Variants in XYLT1 observed in about 807,000 individuals in gnomAD.
XYLT1 encodes beta-D-xylosyltransferase 1.
In XYLT1, 36 loss-of-function variants were observed where a neutral mutation model predicts 91.3. The observed-to-expected ratio is 0.39, with a 90% CI of 0.30 to 0.52. XYLT1 has a LOEUF of 0.52. Among genes scored for constraint, XYLT1 ranks in the 20% least tolerant of loss-of-function variants. XYLT1 has a pLI of 0.68. For missense variants in XYLT1, 1,242 were observed against 1,284.5 expected (o/e 0.97, Z 0.51); for synonymous variants, 588 against 532.0 (o/e 1.11, Z -1.45).
At chr16:17,338,608 C>A in intron 2 of XYLT1, 1 of 413,392 alleles carries the variant, frequency 2.4e-6, no homozygotes, top group South Asian at 1.8e-5. Flanking sequence ...CCTGGTCATT[C>A]GTGGCCTGCT....
intron 1 of XYLT1, among the ~76,000 whole-genome samples, chr16:17,404,021 T>G (rs2035998741): frequency 6.6e-6 from 1 of 152,120 alleles, no homozygotes; most frequent in African/African-American, 2.4e-5. Context: ...GAGAATTATT[T>G]AAACCCCTCC....
At chr16:17,159,528 C>T (rs1344955517) in intron 5 of XYLT1, among the ~76,000 whole-genome samples, 2 of 152,150 alleles carry the variant, frequency 1.3e-5, no homozygotes, top group Non-Finnish European at 2.9e-5. Flanking sequence ...TTGTTCAACA[C>T]TGGCATACAG....
intron 1 of XYLT1, among the ~76,000 whole-genome samples, chr16:17,453,824 T>C (rs2036699590): frequency 6.6e-6 from 1 of 152,202 alleles, no homozygotes; most frequent in African/African-American, 2.4e-5. Context: ...CAAACCTGTT[T>C]TGCTGAATAA....
chr16:17,445,833 GA>G (rs2036584651), intron 1 of XYLT1: 1 of 152,240 alleles, frequency 6.6e-6, no homozygotes, highest in African/African-American at 2.4e-5. Context: ...AGTGAGTGAA[GA>G]AAACGGTGTT....
intron 1 of XYLT1, among the ~76,000 whole-genome samples, chr16:17,436,212 C>A (rs777585244): frequency 6.6e-6 from 1 of 152,216 alleles, no homozygotes; most frequent in Non-Finnish European, 1.5e-5. Flanking sequence ...AATTAAATCT[C>A]TTTCCTTTAT....
At chr16:17,427,976 G>A (rs2036339968) in intron 1 of XYLT1, among the ~76,000 whole-genome samples, 1 of 151,886 alleles carries the variant, frequency 6.6e-6, no homozygotes, top group Non-Finnish European at 1.5e-5. Flanking sequence ...GAGAGGCGGG[G>A]GTTTGGAGGA....
chr16:17,122,591 A>C (rs1027888670), intron 10 of XYLT1, among the ~76,000 whole-genome samples: 32 of 152,190 alleles, frequency 2.1e-4, no homozygotes, highest in African/African-American at 7.2e-4. Context: ...TTTTAAAATT[A>C]AGTCCTATCT....
intron 1 of XYLT1, among the ~76,000 whole-genome samples, chr16:17,374,261 T>C (rs932412688): frequency 6.6e-6 from 1 of 152,232 alleles, no homozygotes; most frequent in Non-Finnish European, 1.5e-5. Context: ...GAGTAGCATA[T>C]GATAAAGTGG....
chr16:17,237,799 C>G (rs1417835610), intron 3 of XYLT1, among the ~76,000 whole-genome samples: 1 of 152,204 alleles, frequency 6.6e-6, no homozygotes, highest in African/African-American at 2.4e-5. Flanking sequence ...ACTGGGGGTT[C>G]AGTCCATTCC....
At chr16:17,450,332 C>T (rs867848014) in intron 1 of XYLT1, among the ~76,000 whole-genome samples, 2 of 150,976 alleles carry the variant, frequency 1.3e-5, no homozygotes, top group African/African-American at 2.4e-5. Context: ...AGCGAGACTC[C>T]GTCTCAAAAC....
chr16:17,158,491 A>G (rs2031469202), intron 6 of XYLT1, among the ~76,000 whole-genome samples: 1 of 152,198 alleles, frequency 6.6e-6, no homozygotes. Context: ...CGTTGCTTAC[A>G]TTATGGGCCT....
rs931895921 is a variant in XYLT1, at chr16:17,105,169, T to C, written c.*3526A>G. 1.3e-5 allele frequency: 2 copies of C among 151,670 alleles called. No individual in the cohort carries two copies. Among genetic ancestry groups the C allele is most frequent in the African/African-American group, 2.4e-5 (1 of 41,420 alleles). 9.4% of individuals were successfully genotyped at this position (151,670 alleles called of 1,614,324 possible). On this transcript the variant is annotated 3_prime_UTR_variant, in exon 12 of 12. Transcript: ENST00000261381. ...CCACTGCCAGTAGCTACTGCCCTGCTCTCTGCATCTTTTTGGCAGAAAGCT... is the reference window on the plus strand; with the variant it reads ...CCACTGCCAGTAGCTACTGCCCTGCCCTCTGCATCTTTTTGGCAGAAAGCT...
At chr16:17,219,495 T>C (rs912215696) in intron 3 of XYLT1, among the ~76,000 whole-genome samples, 1 of 152,080 alleles carries the variant, frequency 6.6e-6, no homozygotes, top group African/African-American at 2.4e-5. Flanking sequence ...GGTGCTTGTA[T>C]TAATCGAGTC....
At chr16:17,311,424 C>A (rs2034547012) in intron 2 of XYLT1, among the ~76,000 whole-genome samples, 1 of 152,168 alleles carries the variant, frequency 6.6e-6, no homozygotes, top group Non-Finnish European at 1.5e-5. Flanking sequence ...CCTGCCTTCA[C>A]CCCCAGTATG....
intron 6 of XYLT1, among the ~76,000 whole-genome samples, chr16:17,143,468 G>A (rs2031040998): frequency 6.6e-6 from 1 of 152,144 alleles, no homozygotes; most frequent in Admixed American, 6.5e-5. Context: ...CAGGCTGCTG[G>A]CCCTTACACA....
rs533566407 is a variant in XYLT1 at position 17,405,703 on chromosome 16, G to A, written c.364-47653C>T. Among the ~76,000 whole-genome samples the A allele has an allele frequency of 4.7e-4, 71 of 152,308 alleles. 2 individuals carry two copies. The South Asian group carries it at 0.014, about 29-fold the overall frequency. ...GGGGCAGGCAGGCTCTCTGTCACCT[G>A]CAGAGGCTGAGACAACCTCAAGGTA... is the stretch of plus-strand genomic sequence containing the variant. On this transcript the variant is annotated intron_variant, in intron 1 of 11. Coordinates refer to ENST00000261381, the MANE Select transcript of XYLT1 (RefSeq NM_022166.4).
At chr16:17,326,778 TC>T (rs1817566226) in intron 2 of XYLT1, among the ~76,000 whole-genome samples, 1 of 151,024 alleles carries the variant, frequency 6.6e-6, no homozygotes, top group South Asian at 2.1e-4. Context: ...TGAGCCGAGA[TC>T]GCGCCACTGC....
At chr16:17,241,396 C>T (rs1442629242) in intron 3 of XYLT1, among the ~76,000 whole-genome samples, 1 of 152,218 alleles carries the variant, frequency 6.6e-6, no homozygotes, top group African/African-American at 2.4e-5. Flanking sequence ...AAACAAACAG[C>T]GCTGTCAAGC....
intron 5 of XYLT1, among the ~76,000 whole-genome samples, chr16:17,167,493 T>A (rs557401983): frequency 1.8e-4 from 27 of 151,906 alleles, no homozygotes; most frequent in African/African-American, 6.5e-4. Context: ...TTCTAACCCA[T>A]CCTTCCATCT....
Sources: allele counts gnomAD v4.1 joint callset (sites outside exome capture counted in the v4.1 genomes callset), GRCh38; gene constraint gnomAD v4.1.1; transcripts MANE v1.5; gene names NCBI Gene and HGNC (gene_info 2026-07-23, HGNC 2026-07-21).